Variants in AMIGO2 observed in about 807,000 individuals in gnomAD.
AMIGO2 encodes adhesion molecule with Ig like domain 2.
Under a neutral mutation model 23.7 loss-of-function variants are expected in AMIGO2, and 15 were observed. The observed-to-expected ratio is 0.63, with a 90% confidence interval of 0.42 to 0.98. The LOEUF (loss-of-function observed/expected upper bound fraction) is 0.98. Among genes scored for constraint, AMIGO2 ranks in the 50% least tolerant of loss-of-function variants. The pLI is 0.00. For missense variants in AMIGO2, 561 were observed against 633.1 expected (o/e 0.89, Z 1.22); for synonymous variants, 264 against 252.3 (o/e 1.05, Z -0.44).
Position 47,077,872 on chromosome 12 carries a change from G to A in AMIGO2, c.1131C>T (p.Asp377=), listed in dbSNP as rs774547090. Residue 377 remains aspartate (D), a synonymous_variant, in exon 3 of 3, where the codon GAC becomes GAT. Coordinates refer to ENST00000550413, the MANE Select transcript of AMIGO2 (RefSeq NM_001370299.1). ...NKQRLLNETV[D]VTINVSNFTV... ...TGAAATTGCTCACATTTATTGTGAC[G>A]TCCACAGTTTCATTTAACAGGCGTT... 8 of 1,614,108 alleles carry A rather than the reference G, an allele frequency of 5.0e-6. No homozygotes were observed. Among genetic ancestry groups the A allele is most frequent in the Non-Finnish European group, 6.8e-6 (8 of 1,180,034 alleles).
chr12:47,077,657 G>A lies in AMIGO2; in HGVS notation c.1346C>T (p.Pro449Leu). 1 of 1,614,220 alleles carries A rather than the reference G, an allele frequency of 6.2e-7. No homozygotes were observed. The highest frequency in any genetic ancestry group is 1.3e-5 in the African/African-American group (1 of 75,036). The change falls in exon 3 of 3, where the codon CCC (proline) becomes CTC (leucine). Residue 449 changes from proline to leucine, a missense_variant. Physicochemically the swap from Pro to Leu is moderately conservative, Grantham distance 98 (BLOSUM62 -3). Transcript: ENST00000550413. The part of the protein sequence containing the change: ...NAHSSILSPG[P>L]ASDASADERK... ...TTCATCAGCGGAGGCATCACTAGCGGGGCCAGGACTGAGAATCGATGAATG... is the reference window on the plus strand; with the variant it reads ...TTCATCAGCGGAGGCATCACTAGCGAGGCCAGGACTGAGAATCGATGAATG...
intron 2 of AMIGO2, 31 bp downstream of exon 2, chr12:47,079,111 A>G (rs1416364314): frequency 6.9e-7 from 1 of 1,459,142 alleles, no homozygotes. Flanking sequence ...GCAGAAACTG[A>G]CTACCACTAG....
chr12:47,079,348 G>C (rs1941916026), intron 1 of AMIGO2, 100 bp from the exon 2 acceptor site: 1 of 114,064 alleles, frequency 8.8e-6, no homozygotes, highest in Admixed American at 1.3e-4. Context: ...CTGCGTTGTT[G>C]TTGTTGTTGT....
chr12:47,078,432 GC>G lies in AMIGO2; in HGVS notation c.570del (p.Lys190AsnfsTer5). On this transcript the variant is annotated frameshift_variant, in exon 3 of 3. Coordinates refer to ENST00000550413, the MANE Select transcript of AMIGO2 (RefSeq NM_001370299.1). LOFTEE classifies it high-confidence loss of function. ...FPMDLYVGRFKLAELMFLDVS... is the reference protein window; with the variant it reads ...FPMDLYVGRFXLAELMFLDVS... ...ACATCTAAAAACATCAGTTCTGCCA[GC>G]TTGAACCTTCCAACATACAAATCCA... 6.2e-7 allele frequency: 1 copy of G among 1,614,172 alleles called. No individual in the cohort carries two copies. The highest frequency in any genetic ancestry group is 8.5e-7 in the Non-Finnish European group (1 of 1,180,046).
At position 47,078,509 on chromosome 12, in the gene AMIGO2, G is replaced by C. The variant is rs756278997; in HGVS notation, c.494C>G (p.Ser165Cys). Residue 165 changes from serine to cysteine, a missense_variant, in exon 3 of 3, where the codon TCC becomes TGC. Ser to Cys is a moderately radical substitution (Grantham distance 112). Coordinates refer to ENST00000550413, the MANE Select transcript of AMIGO2 (RefSeq NM_001370299.1). ...YLDPSAFGGLSQLQKLYLSGN... is the reference protein window; with the variant it reads ...YLDPSAFGGLCQLQKLYLSGN... ...ACTTAAGTAGAGTTTCTGCAACTGG[G>C]AGAGCCCTCCAAACGCTGAAGGATC... The C allele has an allele frequency of 6.2e-7, 1 of 1,614,086 alleles. No individual in the cohort carries two copies. The highest frequency in any genetic ancestry group is 1.7e-5 in the Admixed American group (1 of 60,004).
chr12:47,078,330 G>A lies in AMIGO2; in HGVS notation c.673C>T (p.Leu225Phe), dbSNP rs1004827093. 5.6e-6 allele frequency: 9 copies of A among 1,613,760 alleles called. No homozygotes were observed. Among genetic ancestry groups the A allele is most frequent in the Non-Finnish European group, 1.7e-6 (2 of 1,180,042 alleles). Reference sequence around the variant, plus strand: ...TCACAGACAAATGGGTTTCCATGAAGGTAGATGCCTCTCAGCTGTTTTCCT... The same window carrying A: ...TCACAGACAAATGGGTTTCCATGAAAGTAGATGCCTCTCAGCTGTTTTCCT... ...VPGKQLRGIY[L>F]HGNPFVCDCS... is the part of the protein sequence containing the mutation. Residue 225 changes from leucine to phenylalanine, a missense_variant, in exon 3 of 3, where the codon CTT (leucine) becomes TTT (phenylalanine). By Grantham distance (22) the Leu-to-Phe change is conservative (BLOSUM62 0). Coordinates refer to ENST00000550413, the MANE Select transcript of AMIGO2 (RefSeq NM_001370299.1).
chr12:47,077,324 T>A lies in AMIGO2; in HGVS notation c.*110A>T. The A allele has an allele frequency of 7.1e-7, 1 of 1,404,272 alleles. No individual in the cohort carries two copies. Among genetic ancestry groups the A allele is most frequent in the Non-Finnish European group, 9.5e-7 (1 of 1,057,214 alleles). The allele number at this position is 1,404,272 out of a possible 1,614,324, so 87.0% of individuals were successfully genotyped here. A position where few individuals can be genotyped will look rare whatever the true frequency, so the allele number is the denominator to read the frequency against. On this transcript the variant is annotated 3_prime_UTR_variant, in exon 3 of 3. Transcript: ENST00000550413. ...TCATTTTAAGAGAATTTGGTTGTAT[T>A]TCAAAGAACAAAACAACACAATTTC...
chr12:47,079,262 T>C lies in AMIGO2; in HGVS notation c.-170-14A>G. ...CCTGGGTTAGTCCTGCTTATAAAAA[T>C]GTACAGTCACATTCTCTCCATACAA... On this transcript the variant is annotated splice_polypyrimidine_tract_variant and intron_variant, in intron 1 of 2. Coordinates refer to ENST00000550413, the MANE Select transcript of AMIGO2 (RefSeq NM_001370299.1). 2 of 419,460 alleles carry C rather than the reference T, an allele frequency of 4.8e-6. No homozygotes were observed. The highest frequency in any genetic ancestry group is 8.3e-6 in the Non-Finnish European group (2 of 240,444). 26.0% of individuals were successfully genotyped at this position (419,460 alleles called of 1,614,324 possible).
rs1470702857 is a variant in AMIGO2 at position 47,078,991 on chromosome 12, A to C, written c.12T>G (p.Arg4=). The change falls in exon 3 of 3, where the codon CGT becomes CGG. Residue 4 remains arginine, a synonymous_variant. Coordinates refer to ENST00000550413, the MANE Select transcript of AMIGO2 (RefSeq NM_001370299.1). MSL[R]VHTLPTLLGA... Reference sequence around the variant, plus strand: ...CAAGCAGGGTGGGCAGAGTGTGTACACGTAACGACATTATGGTCGCCTCTG... The same window carrying C: ...CAAGCAGGGTGGGCAGAGTGTGTACCCGTAACGACATTATGGTCGCCTCTG... 2 of 1,594,982 alleles carry C rather than the reference A, an allele frequency of 1.3e-6. No homozygotes were observed. The highest frequency in any genetic ancestry group is 1.7e-6 in the Non-Finnish European group (2 of 1,168,244).
Position 47,079,203 on chromosome 12 carries a change from G to T in AMIGO2, c.-125C>A. On this transcript the variant is annotated 5_prime_UTR_variant, in exon 2 of 3. Transcript: ENST00000550413. The stretch of plus-strand genomic sequence containing the variant: ...ATTTCACAATAGGGAGCTCTGTGTT[G>T]CCTCTTCACTGTTAAATGTATTTTT... 1 of 630,092 alleles carries T rather than the reference G, an allele frequency of 1.6e-6. No individual in the cohort carries two copies. The highest frequency in any genetic ancestry group is 2.5e-6 in the Non-Finnish European group (1 of 392,886). 39.0% of individuals were successfully genotyped at this position (630,092 alleles called of 1,614,324 possible).
chr12:47,079,144 T>C lies in AMIGO2; in HGVS notation c.-66A>G. 8.2e-7 allele frequency: 1 copy of C among 1,224,390 alleles called. No individual in the cohort carries two copies. The allele number at this position is 1,224,390 out of a possible 1,614,324, so 75.8% of individuals were successfully genotyped here. A position where few individuals can be genotyped will look rare whatever the true frequency, so the allele number is the denominator to read the frequency against. On this transcript the variant is annotated splice_region_variant and 5_prime_UTR_variant, in exon 2 of 3. Coordinates refer to ENST00000550413, the MANE Select transcript of AMIGO2 (RefSeq NM_001370299.1). ...TAGTTAACCCATAAGAGCCATACCT[T>C]ACTTTCTTTCCAATAACTTTTGAAA...
chr12:47,078,342 T>C lies in AMIGO2; in HGVS notation c.661A>G (p.Arg221Gly). Reference protein sequence around the residue: ...HINLVPGKQLRGIYLHGNPFV... With the variant: ...HINLVPGKQLGGIYLHGNPFV... ...GGGTTTCCATGAAGGTAGATGCCTC[T>C]CAGCTGTTTTCCTGGCACTAAATTT... Residue 221 changes from arginine to glycine, a missense_variant, in exon 3 of 3, where the codon AGA (arginine) becomes GGA (glycine). By Grantham distance (125) the Arg-to-Gly change is moderately radical. Transcript: ENST00000550413. 4 of 1,613,894 alleles carry C rather than the reference T, an allele frequency of 2.5e-6. No homozygotes were observed. Among genetic ancestry groups the C allele is most frequent in the Non-Finnish European group, 3.4e-6 (4 of 1,180,040 alleles).
rs1187575500 is a variant in AMIGO2 at position 47,078,337 on chromosome 12, G to A, written c.666C>T (p.Gly222=). 1.9e-6 allele frequency: 3 copies of A among 1,613,714 alleles called. No homozygotes were observed. The highest frequency in any genetic ancestry group is 2.5e-6 in the Non-Finnish European group (3 of 1,180,046). The part of the protein sequence containing the change: ...INLVPGKQLR[G]IYLHGNPFVC... ...CAAATGGGTTTCCATGAAGGTAGAT[G>A]CCTCTCAGCTGTTTTCCTGGCACTA... Residue 222 remains glycine, a synonymous_variant, in exon 3 of 3, where the codon GGC becomes GGT. Transcript: ENST00000550413.
Position 47,077,261 on chromosome 12 carries a change from A to G in AMIGO2, c.*173T>C, listed in dbSNP as rs1432658625. 2.2e-6 allele frequency: 2 copies of G among 910,552 alleles called. No homozygotes were observed. The highest frequency in any genetic ancestry group is 1.6e-6 in the Non-Finnish European group (1 of 631,348). The allele number at this position is 910,552 out of a possible 1,614,324, so 56.4% of individuals were successfully genotyped here. On this transcript the variant is annotated 3_prime_UTR_variant, in exon 3 of 3. Transcript: ENST00000550413. ...AAACAACCCCATCTTTCTATGGCAC[A>G]TTGAGGAACTGAAGTACTTTACCTC... is the stretch of plus-strand genomic sequence containing the variant.
rs1291432834 is a variant in AMIGO2, at chr12:47,077,151, G to T, written c.*283C>A. 3.2e-6 allele frequency: 1 copy of T among 312,328 alleles called. No individual in the cohort carries two copies. Among genetic ancestry groups the T allele is most frequent in the Non-Finnish European group, 5.9e-6 (1 of 169,914 alleles). 19.3% of individuals were successfully genotyped at this position (312,328 alleles called of 1,614,324 possible). On this transcript the variant is annotated 3_prime_UTR_variant, in exon 3 of 3. Transcript: ENST00000550413. ...CAATATCCTAAATAAAGGGACAATG[G>T]GAGTCATATCACCTTTGGGCCTACT...
In AMIGO2 at chr12:47,078,468, G is replaced by T; in HGVS notation, c.535C>A (p.Gln179Lys). 3.1e-6 allele frequency: 5 copies of T among 1,614,190 alleles called. No homozygotes were observed. In the South Asian group the frequency reaches 5.5e-5, roughly 18 times the overall value. The change falls in exon 3 of 3, where the codon CAG becomes AAG. Residue 179 changes from glutamine (Q) to lysine (K), a missense_variant. By Grantham distance (53) the Gln-to-Lys change is moderately conservative. Coordinates refer to ENST00000550413, the MANE Select transcript of AMIGO2 (RefSeq NM_001370299.1). ...KLYLSGNFLT[Q>K]FPMDLYVGRF... ...CCAACATACAAATCCATCGGAAACT[G>T]TGTGAGAAAATTTCCACTTAAGTAG...
intron 2 of AMIGO2, 35 bp from the exon 3 acceptor site, chr12:47,079,100 A>G: frequency 6.7e-7 from 1 of 1,490,022 alleles, no homozygotes. Flanking sequence ...GGGAGTAAAA[A>G]GCAGAAACTG....
rs557234455 is a variant in AMIGO2, at chr12:47,078,838, G to A, written c.165C>T (p.Thr55=). Reference sequence around the variant, plus strand: ...CAGGCACCTTGGACAGGTTTTTGTTGGTGCAGCTGACGATGTCAGTGGCAC... The same window carrying A: ...CAGGCACCTTGGACAGGTTTTTGTTAGTGCAGCTGACGATGTCAGTGGCAC... ...CICATDIVSC[T]NKNLSKVPGN... is the part of the protein sequence containing the mutation. Residue 55 remains threonine, a synonymous_variant, in exon 3 of 3, where the codon ACC becomes ACT. Transcript: ENST00000550413. The A allele has an allele frequency of 1.7e-5, 28 of 1,614,154 alleles. No homozygotes were observed. In the South Asian group the frequency reaches 2.4e-4, roughly 14 times the overall value.
At position 47,078,349 on chromosome 12, in the gene AMIGO2, T is replaced by C; in HGVS notation, c.654A>G (p.Lys218=). ...PMHHINLVPG[K]QLRGIYLHGN... ...CATGAAGGTAGATGCCTCTCAGCTG[T>C]TTTCCTGGCACTAAATTTATGTGGT... Residue 218 remains lysine (K), a synonymous_variant, in exon 3 of 3, where the codon AAA becomes AAG. Transcript: ENST00000550413. 1.2e-6 allele frequency: 2 copies of C among 1,613,816 alleles called. No homozygotes were observed. Among genetic ancestry groups the C allele is most frequent in the Non-Finnish European group, 1.7e-6 (2 of 1,180,022 alleles).
Sources: gnomAD v4.1 joint callset for allele counts on GRCh38, gnomAD v4.1.1 for gene constraint, MANE v1.5 for transcripts, NCBI Gene and HGNC (gene_info 2026-07-23, HGNC 2026-07-21) for gene names.